The following RUNX1T1 variants were observed in gnomAD, a reference collection of about 807,000 sequenced individuals.
The protein encoded by RUNX1T1 is RUNX1 partner transcriptional co-repressor 1.
In RUNX1T1, 4 loss-of-function variants were observed where a neutral mutation model predicts 62.8. The ratio of observed to expected loss-of-function variants is 0.06; its 90% confidence interval spans 0.03 to 0.15. RUNX1T1 has a LOEUF of 0.15. RUNX1T1 is among the 10% of genes least tolerant of loss of function. RUNX1T1 has a pLI of 1.00. For missense variants in RUNX1T1, 508 were observed against 754.3 expected, an observed-to-expected ratio of 0.67 and a Z score of 3.82; for synonymous variants, 291 against 286.0, an observed-to-expected ratio of 1.02 and a Z score of -0.18.
intron 1 of RUNX1T1, among the ~76,000 whole-genome samples, chr8:92,078,303 AAAT>A (rs1282683118): frequency 6.6e-6 from 1 of 152,098 alleles, no homozygotes; most frequent in East Asian, 1.9e-4. Context: ...TTCCAATATG[AAAT>A]AATAATAAAA....
chr8:91,972,247 T>C (rs1466999664), intron 9 of RUNX1T1, among the ~76,000 whole-genome samples: 2 of 152,172 alleles, frequency 1.3e-5, no homozygotes, highest in African/African-American at 2.4e-5. Context: ...CTATTGTCCA[T>C]GACTTGAGAG....
intron 1 of RUNX1T1, among the ~76,000 whole-genome samples, chr8:92,055,041 A>C (rs1337803539): frequency 6.6e-6 from 1 of 152,016 alleles, no homozygotes; most frequent in Non-Finnish European, 1.5e-5. Flanking sequence ...AAAAAAATAC[A>C]CTCAGCACAA....
intron 1 of RUNX1T1, among the ~76,000 whole-genome samples, chr8:92,032,565 T>C (rs1826462459): frequency 6.6e-6 from 1 of 152,136 alleles, no homozygotes; most frequent in African/African-American, 2.4e-5. Context: ...AAGTAACAAA[T>C]GAAGAAAATA....
exon 2 of RUNX1T1, chr8:92,076,076 T>G: frequency 6.2e-7 from 1 of 1,606,696 alleles, no homozygotes; most frequent in South Asian, 1.1e-5. Flanking sequence ...CTCTGCTAAT[T>G]TCCTCTCTCC....
At chr8:92,008,646 T>C (rs1821346850) in intron 4 of RUNX1T1, among the ~76,000 whole-genome samples, 1 of 152,166 alleles carries the variant, frequency 6.6e-6, no homozygotes, top group Non-Finnish European at 1.5e-5. Context: ...ACATCTTGTG[T>C]GCAGATGTCT....
At chr8:92,047,477 T>C (rs1358912237) in intron 1 of RUNX1T1, among the ~76,000 whole-genome samples, 1 of 152,172 alleles carries the variant, frequency 6.6e-6, no homozygotes, top group Non-Finnish European at 1.5e-5. Context: ...TATCATTTAT[T>C]GTCTGCTCCT....
chr8:91,968,941 G>C (rs951251287), intron 10 of RUNX1T1, among the ~76,000 whole-genome samples: 10 of 152,214 alleles, frequency 6.6e-5, no homozygotes, highest in African/African-American at 2.2e-4. Context: ...GTAAGAATTG[G>C]AGCCAGGAAT....
intron 6 of RUNX1T1, among the ~76,000 whole-genome samples, chr8:91,990,414 G>T (rs1817423593): frequency 6.6e-6 from 1 of 152,144 alleles, no homozygotes; most frequent in African/African-American, 2.4e-5. Context: ...GGACACAGGA[G>T]ATGGAAAAAG....
At chr8:92,092,153 T>G (rs1587602451) in intron 1 of RUNX1T1, among the ~76,000 whole-genome samples, 1 of 152,234 alleles carries the variant, frequency 6.6e-6, no homozygotes, top group Non-Finnish European at 1.5e-5. Context: ...TCCTTCTAGT[T>G]TAATTCTCTC....
At chr8:92,077,726 C>A (rs1834637636) in intron 1 of RUNX1T1, among the ~76,000 whole-genome samples, 1 of 152,018 alleles carries the variant, frequency 6.6e-6, no homozygotes, top group South Asian at 2.1e-4. Flanking sequence ...CCTATATGAG[C>A]CATAGTTAAT....
intron 1 of RUNX1T1, among the ~76,000 whole-genome samples, chr8:92,092,122 C>T (rs546491942): frequency 6.6e-6 from 1 of 152,300 alleles, no homozygotes; most frequent in South Asian, 2.1e-4. Flanking sequence ...TGAACCTCAT[C>T]CAAATTTCAC....
intron 10 of RUNX1T1, 50 bp downstream of exon 11, chr8:91,970,608 T>C: frequency 2.0e-6 from 3 of 1,482,050 alleles, no homozygotes; most frequent in South Asian, 1.3e-5. Flanking sequence ...ATGAGCACTC[T>C]AATGAATGAA....
intron 1 of RUNX1T1, among the ~76,000 whole-genome samples, chr8:92,086,075 T>A (rs1040997346): frequency 6.6e-6 from 1 of 152,210 alleles, no homozygotes; most frequent in Non-Finnish European, 1.5e-5. Context: ...CTACAGACAG[T>A]GCTTGGGGTA....
At chr8:91,991,756 G>A in exon 6 of RUNX1T1, 1 of 1,614,114 alleles carries the variant, frequency 6.2e-7, no homozygotes, top group Non-Finnish European at 8.5e-7. Context: ...GGTGGGGTAG[G>A]GTGAGGCAGG....
chr8:92,050,809 C>G (rs1830113963), intron 1 of RUNX1T1, among the ~76,000 whole-genome samples: 1 of 152,172 alleles, frequency 6.6e-6, no homozygotes, highest in African/African-American at 2.4e-5. Flanking sequence ...CCTAGCTTAA[C>G]CCTCTGATGG....
upstream of RUNX1T1, chr8:92,063,686 T>C (rs1228577255): frequency 6.6e-6 from 1 of 152,254 alleles, no homozygotes; most frequent in Non-Finnish European, 1.5e-5. Context: ...CACGCCTGCC[T>C]GCCTTGCATG....
At chr8:92,011,078 G>T in exon 4 of RUNX1T1, 1 of 1,600,922 alleles carries the variant, frequency 6.2e-7, no homozygotes, top group Non-Finnish European at 8.6e-7. Flanking sequence ...TTCTTCAATT[G>T]TCAAAGTGGA....
At chr8:92,096,261 G>C (rs2130940717) in intron 1 of RUNX1T1, among the ~76,000 whole-genome samples, 1 of 152,312 alleles carries the variant, frequency 6.6e-6, no homozygotes, top group South Asian at 2.1e-4. Context: ...TGGGGGAGGA[G>C]GCTCCTTATG....
At chr8:92,031,530 G>A (rs1197194668) in intron 1 of RUNX1T1, among the ~76,000 whole-genome samples, 1 of 152,118 alleles carries the variant, frequency 6.6e-6, no homozygotes, top group Non-Finnish European at 1.5e-5. Flanking sequence ...GGAATACAGT[G>A]GTGTGAACAT....
Sources: gnomAD v4.1 joint callset for allele counts (sites outside exome capture counted in the v4.1 genomes callset) on GRCh38, gnomAD v4.1.1 for gene constraint, MANE v1.5 for transcripts, NCBI Gene and HGNC (gene_info 2026-07-23, HGNC 2026-07-21) for gene names.